The following PPP2R3A variants were observed in gnomAD, a reference collection of about 807,000 sequenced individuals.
PPP2R3A encodes the protein serine/threonine-protein phosphatase 2A regulatory subunit B'' subunit alpha.
Under a neutral mutation model 106.9 loss-of-function variants are expected in PPP2R3A, and 80 were observed. The observed-to-expected ratio is 0.75, with a 90% CI of 0.62 to 0.90. The LOEUF is 0.90. PPP2R3A is among the 40% of genes least tolerant of loss of function. PPP2R3A has a pLI of 0.00. For synonymous variants in PPP2R3A, 483 were observed against 468.3 expected (o/e 1.03, Z -0.41); for missense variants, 1,386 against 1,350.4 (o/e 1.03, Z -0.41).
chr3:135,981,116 T>C (rs893683086), intron 1 of PPP2R3A, among the ~76,000 whole-genome samples: 16 of 152,018 alleles, frequency 1.1e-4, no homozygotes, highest in African/African-American at 2.7e-4. Flanking sequence ...AGTTTGGTGA[T>C]CATGGTGATG....
intron 11 of PPP2R3A, among the ~76,000 whole-genome samples, chr3:136,102,383 G>A (rs1226832279): frequency 9.5e-6 from 1 of 105,492 alleles, no homozygotes; most frequent in Non-Finnish European, 1.8e-5. Flanking sequence ...GTCTCGCTTT[G>A]TCTGCCAGGC....
rs1284031644 is a variant in PPP2R3A at position 136,003,393 on chromosome 3, C to T, written c.1895C>T (p.Ser632Phe). 1.9e-6 allele frequency: 3 copies of T among 1,613,864 alleles called. No individual in the cohort carries two copies. The highest frequency in any genetic ancestry group is 2.5e-6 in the Non-Finnish European group (3 of 1,179,904). The change falls in exon 2 of 14, where the codon TCC becomes TTC. Residue 632 changes from serine to phenylalanine, a missense_variant. By Grantham distance (155) the Ser-to-Phe change is radical. Coordinates refer to ENST00000264977, the MANE Select transcript of PPP2R3A (RefSeq NM_002718.5). ...ATTCTACAGGAAACCTTGACAACTT[C>T]CTCCCAGGCCAATTTATCAGTCTGT... ...MQILQETLTTSSQANLSVCRS... is the reference protein window; with the variant it reads ...MQILQETLTTFSQANLSVCRS...
chr3:136,089,673 A>C (rs1001880363), intron 9 of PPP2R3A, among the ~76,000 whole-genome samples: 1 of 151,508 alleles, frequency 6.6e-6, no homozygotes, highest in South Asian at 2.1e-4. Context: ...AATAACATTG[A>C]ATCTGTAGAT....
chr3:136,070,329 G>A (rs1002686261), intron 5 of PPP2R3A, 149 bp from the exon 6 acceptor site: 5 of 589,346 alleles, frequency 8.5e-6, no homozygotes, highest in African/African-American at 1.9e-5. Context: ...ATAATGAAAC[G>A]AATTTAATAA....
chr3:136,087,294 T>TCTCTCTCTCTCTCTCA, intron 8 of PPP2R3A, among the ~76,000 whole-genome samples: 1 of 143,898 alleles, frequency 6.9e-6, no homozygotes, highest in Non-Finnish European at 1.5e-5. Flanking sequence ...TCTCTCTCTC[T>TCTCTCTCTCTCTCTCA]CTCTCACCAA....
At chr3:136,144,866 ATG>A (rs1939045051) in intron 13 of PPP2R3A, among the ~76,000 whole-genome samples, 175 bp from the exon 14 acceptor site, 1 of 152,186 alleles carries the variant, frequency 6.6e-6, no homozygotes, top group African/African-American at 2.4e-5. Context: ...AGGGAGAAGA[ATG>A]TGTTTTCTGC....
At chr3:136,141,521 G>A (rs1486928214) in intron 13 of PPP2R3A, among the ~76,000 whole-genome samples, 3 of 152,212 alleles carry the variant, frequency 2.0e-5, no homozygotes, top group African/African-American at 4.8e-5. Context: ...ATTAGTGGAA[G>A]TGCAAGAACA....
intron 13 of PPP2R3A, among the ~76,000 whole-genome samples, chr3:136,122,970 GA>G (rs1029956787): frequency 6.6e-6 from 1 of 152,060 alleles, no homozygotes; most frequent in African/African-American, 2.4e-5. Context: ...TAGTTTGGGG[GA>G]AAAAATCTTA....
chr3:136,014,542 G>A (rs191674427), intron 2 of PPP2R3A, among the ~76,000 whole-genome samples: 148 of 152,022 alleles, frequency 9.7e-4, no homozygotes, highest in African/African-American at 2.3e-3. Context: ...TCACCTCCTC[G>A]GTTAGGTATA....
At chr3:135,997,224 T>C (rs1290447977) in intron 1 of PPP2R3A, among the ~76,000 whole-genome samples, 1 of 152,218 alleles carries the variant, frequency 6.6e-6, no homozygotes, top group African/African-American at 2.4e-5. Context: ...ACCAAGTCCC[T>C]GAAATTGCAC....
intron 1 of PPP2R3A, among the ~76,000 whole-genome samples, chr3:135,979,075 A>G (rs1469759332): frequency 6.6e-6 from 1 of 151,802 alleles, no homozygotes; most frequent in Non-Finnish European, 1.5e-5. Flanking sequence ...AGTTTGCAGT[A>G]TTACTTTTAA....
chr3:136,094,633 T>C (rs1020064771), intron 10 of PPP2R3A, among the ~76,000 whole-genome samples: 1 of 152,160 alleles, frequency 6.6e-6, no homozygotes, highest in Non-Finnish European at 1.5e-5. Context: ...CTCAATGAAA[T>C]GGACCAATTT....
chr3:136,136,074 T>TATATATATATA (rs1491542071), intron 13 of PPP2R3A, among the ~76,000 whole-genome samples: 880 of 30,056 alleles, frequency 0.029, 20 homozygotes, highest in South Asian at 0.051. Context: ...AAAAAAAAAA[T>TATATATATATA]TATATATATA....
chr3:136,103,154 T>C (rs1276782364), intron 11 of PPP2R3A, 104 bp from the exon 12 acceptor site: 8 of 561,380 alleles, frequency 1.4e-5, no homozygotes, highest in Non-Finnish European at 2.5e-5. Flanking sequence ...AATAGGACTT[T>C]TATAATAAAC....
intron 2 of PPP2R3A, among the ~76,000 whole-genome samples, chr3:136,014,270 C>CT (rs1302594876): frequency 6.6e-6 from 1 of 151,958 alleles, no homozygotes; most frequent in African/African-American, 2.4e-5. Flanking sequence ...CAGATTTGTT[C>CT]TTTTGCTTAG....
chr3:136,033,829 G>T (rs1339630367), intron 3 of PPP2R3A, among the ~76,000 whole-genome samples: 3 of 151,450 alleles, frequency 2.0e-5, no homozygotes, highest in East Asian at 1.9e-4. Context: ...TCTTTTCAAA[G>T]AACTAGCTTT....
At chr3:136,018,714 T>C (rs1170522989) in intron 2 of PPP2R3A, among the ~76,000 whole-genome samples, 2 of 152,198 alleles carry the variant, frequency 1.3e-5, no homozygotes, top group African/African-American at 4.8e-5. Flanking sequence ...GCATCTTTTC[T>C]CGCTTGGGAT....
chr3:136,059,932 G>C (rs1271878471), intron 5 of PPP2R3A, among the ~76,000 whole-genome samples: 2 of 152,118 alleles, frequency 1.3e-5, no homozygotes, highest in African/African-American at 2.4e-5. Flanking sequence ...TAAATGATGA[G>C]AACACATGGA....
intron 10 of PPP2R3A, among the ~76,000 whole-genome samples, chr3:136,092,284 C>T (rs916624755): frequency 1.3e-5 from 2 of 152,046 alleles, no homozygotes; most frequent in Non-Finnish European, 2.9e-5. Flanking sequence ...GAGCTGAGAT[C>T]GCACCATTGC....
Sources: allele counts gnomAD v4.1 joint callset (sites outside exome capture counted in the v4.1 genomes callset), GRCh38; gene constraint gnomAD v4.1.1; transcripts MANE v1.5; gene names NCBI Gene and HGNC (gene_info 2026-07-23, HGNC 2026-07-21).